Variants in CYP2A13 observed in about 807,000 individuals in gnomAD.
The protein encoded by CYP2A13 is cytochrome P450 2A13.
A neutral mutation model predicts 39.4 loss-of-function variants in CYP2A13; 30 were observed. The ratio of observed to expected loss-of-function variants is 0.76; its 90% confidence interval spans 0.57 to 1.03. CYP2A13 has a LOEUF of 1.03. Ranked by LOEUF, CYP2A13 falls within the 50% of genes least tolerant of loss-of-function variation. The pLI is 0.00. For missense variants in CYP2A13, 731 were observed against 648.4 expected (o/e 1.13, Z -1.38); for synonymous variants, 269 against 254.7 (o/e 1.06, Z -0.54).
rs746729433 is a variant in CYP2A13, at chr19:41,094,326, C to T, written c.1055C>T (p.Thr352Ile). The change falls in exon 7 of 9, where the codon ACA becomes ATA. Residue 352 changes from threonine (T) to isoleucine (I), a missense_variant. By Grantham distance (89) the Thr-to-Ile change is moderately conservative (BLOSUM62 -1). Transcript: ENST00000330436. ...GAGGACCGGGCCAAGATGCCCTACA[C>T]AGAGGCAGTGATCCACGAGATCCAA... The part of the protein sequence containing the change: ...KFEDRAKMPY[T>I]EAVIHEIQRF... 4.4e-5 allele frequency: 71 copies of T among 1,614,028 alleles called. No individual in the cohort carries two copies. Among genetic ancestry groups the T allele is most frequent in the East Asian group, 1.1e-4 (5 of 44,888 alleles).
intron 2 of CYP2A13, among the ~76,000 whole-genome samples, 182 bp from the exon 3 acceptor site, chr19:41,089,864 CT>C: frequency 9.8e-6 from 1 of 101,632 alleles, no homozygotes; most frequent in African/African-American, 3.9e-5. Context: ...CTCTCTCTCT[CT>C]CTCTCTCGTG....
chr19:41,094,858 TC>T, intron 7 of CYP2A13, 100 bp from the exon 8 acceptor site: 1 of 1,374,564 alleles, frequency 7.3e-7, no homozygotes, highest in African/African-American at 1.4e-5. Context: ...TGCCTGCCAC[TC>T]CCCTCACCTG....
At chr19:41,091,131 C>T (rs1435032927) in intron 4 of CYP2A13, among the ~76,000 whole-genome samples, 1 of 152,212 alleles carries the variant, frequency 6.6e-6, no homozygotes, top group Non-Finnish European at 1.5e-5. Context: ...AGATTATTCC[C>T]TGACACCCAA....
intron 2 of CYP2A13, 33 bp downstream of exon 2, chr19:41,089,124 AG>A (rs1402639132): frequency 6.2e-7 from 1 of 1,611,050 alleles, no homozygotes; most frequent in African/African-American, 1.3e-5. Flanking sequence ...GAAGGTGGCC[AG>A]GTGGATGCAA....
Position 41,090,188 on chromosome 19 carries a change from G to A in CYP2A13, c.485G>A (p.Gly162Asp). 3.8e-6 allele frequency: 6 copies of A among 1,579,214 alleles called. No individual in the cohort carries two copies. The highest frequency in any genetic ancestry group is 2.2e-5 in the East Asian group (1 of 44,580). ...EAGFLIDALR[G>D]THGANIDPTF... ...GGCTTCCTCATCGACGCCCTCCGGG[G>A]CACGCACGGTGAGTAGGGGACCCCG... Residue 162 changes from glycine (G) to aspartate (D), a missense_variant, in exon 3 of 9, where the codon GGC (glycine) becomes GAC (aspartate). Gly to Asp is a moderately conservative substitution (Grantham distance 94). Transcript: ENST00000330436.
At chr19:41,089,849 TCTCTCTCTCTCTCTCTC>T (rs1568366707) in intron 2 of CYP2A13, among the ~76,000 whole-genome samples, 181 bp from the exon 3 acceptor site, 1 of 122,100 alleles carries the variant, frequency 8.2e-6, no homozygotes. Flanking sequence ...TCTCTCTCTC[TCTCTCTCTCTCTCTCTC>T]TCTCTCGTGC....
chr19:41,092,397 C>T (rs755431787), intron 5 of CYP2A13, among the ~76,000 whole-genome samples: 11 of 151,678 alleles, frequency 7.3e-5, no homozygotes, highest in Middle Eastern at 3.4e-3. Context: ...TGAGCCCTCA[C>T]CCACAAGCAC....
Position 41,094,440 on chromosome 19 carries a change from C to T in CYP2A13, c.1161+8C>T, listed in dbSNP as rs1599656169. The T allele has an allele frequency of 6.2e-7, 1 of 1,614,016 alleles. No homozygotes were observed. Among genetic ancestry groups the T allele is most frequent in the South Asian group, 1.1e-5 (1 of 91,072 alleles). ...GATTTCTTCCTCCCTAAGGTGCTGTCTCCCCTCCACCACCACCACTCAGAC... is the reference window on the plus strand; with the variant it reads ...GATTTCTTCCTCCCTAAGGTGCTGTTTCCCCTCCACCACCACCACTCAGAC... On this transcript the variant is annotated splice_region_variant and intron_variant, in intron 7 of 8. Coordinates refer to ENST00000330436, the MANE Select transcript of CYP2A13 (RefSeq NM_000766.5).
At position 41,088,515 on chromosome 19, in the gene CYP2A13, T is replaced by C; in HGVS notation, c.44T>C (p.Leu15Pro). The C allele has an allele frequency of 6.2e-7, 1 of 1,614,052 alleles. No homozygotes were observed. The highest frequency in any genetic ancestry group is 8.5e-7 in the Non-Finnish European group (1 of 1,179,912). ...GLLLVTLLACLTVMVLMSVWR... is the reference protein window; with the variant it reads ...GLLLVTLLACPTVMVLMSVWR... ...CTTCTGGTGACCTTGCTGGCCTGCC[T>C]GACTGTGATGGTCTTGATGTCAGTC... Residue 15 changes from leucine to proline, a missense_variant, in exon 1 of 9, where the codon CTG becomes CCG. Leu to Pro is a moderately conservative substitution (Grantham distance 98). Coordinates refer to ENST00000330436, the MANE Select transcript of CYP2A13 (RefSeq NM_000766.5).
At chr19:41,092,916 C>G (rs1158373289) in intron 5 of CYP2A13, among the ~76,000 whole-genome samples, 1 of 152,182 alleles carries the variant, frequency 6.6e-6, no homozygotes, top group Non-Finnish European at 1.5e-5. Flanking sequence ...CTCAGAAAAA[C>G]TCTTTTTTTC....
In CYP2A13 at chr19:41,090,440, C is replaced by G. The variant is rs1365591318; in HGVS notation, c.530C>G (p.Thr177Arg). ...GATCCCACCTTCTTCCTGAGCCGCA[C>G]AGTCTCCAATGTCATCAGCTCCATT... ...NIDPTFFLSR[T>R]VSNVISSIVF... The change falls in exon 4 of 9, where the codon ACA becomes AGA. Residue 177 changes from threonine to arginine, a missense_variant. Physicochemically the swap from Thr to Arg is moderately conservative, Grantham distance 71. Transcript: ENST00000330436. 6.2e-7 allele frequency: 1 copy of G among 1,614,180 alleles called. No homozygotes were observed. The highest frequency in any genetic ancestry group is 8.5e-7 in the Non-Finnish European group (1 of 1,180,032).
Position 41,094,315 on chromosome 19 carries a change from G to C in CYP2A13, c.1044G>C (p.Lys348Asn). Residue 348 changes from lysine (K) to asparagine (N), a missense_variant, in exon 7 of 9, where the codon AAG becomes AAC. Coordinates refer to ENST00000330436, the MANE Select transcript of CYP2A13 (RefSeq NM_000766.5). ...AGCCCAAGTTTGAGGACCGGGCCAA[G>C]ATGCCCTACACAGAGGCAGTGATCC... is the stretch of plus-strand genomic sequence containing the variant. ...NRQPKFEDRA[K>N]MPYTEAVIHE... The C allele has an allele frequency of 1.2e-6, 2 of 1,614,090 alleles. No individual in the cohort carries two copies. Among genetic ancestry groups the C allele is most frequent in the Non-Finnish European group, 1.7e-6 (2 of 1,180,004 alleles).
chr19:41,089,664 C>T (rs2144723532), intron 2 of CYP2A13, among the ~76,000 whole-genome samples: 1 of 151,926 alleles, frequency 6.6e-6, no homozygotes, highest in South Asian at 2.1e-4. Flanking sequence ...CCATATCTCA[C>T]TTCCCCTCCC....
In CYP2A13 at chr19:41,093,633, G is replaced by A. The variant is rs545108109; in HGVS notation, c.835G>A (p.Glu279Lys). The part of the protein sequence containing the change: ...DSFLIRMQEE[E>K]KNPNTEFYLK... The stretch of plus-strand genomic sequence containing the variant: ...CTAAACCGCCCTCTCCCTGCAGGAG[G>A]AGAAGAACCCCAACACAGAGTTCTA... The change falls in exon 6 of 9, where the codon GAG (glutamate) becomes AAG (lysine). Residue 279 changes from glutamate to lysine, a missense_variant. By Grantham distance (56) the Glu-to-Lys change is moderately conservative. Transcript: ENST00000330436. The A allele has an allele frequency of 4.3e-6, 7 of 1,614,118 alleles. No individual in the cohort carries two copies. In the South Asian group the frequency reaches 6.6e-5, roughly 15 times the overall value.
intron 8 of CYP2A13, 77 bp from the exon 9 acceptor site, chr19:41,095,683 G>A: frequency 6.4e-7 from 1 of 1,566,350 alleles, no homozygotes; most frequent in South Asian, 1.2e-5. Context: ...CCTAGAGAGT[G>A]CAGCCGGGGG....
intron 2 of CYP2A13, 35 bp from the exon 3 acceptor site, chr19:41,090,012 C>T: frequency 6.3e-7 from 1 of 1,596,712 alleles, no homozygotes; most frequent in Non-Finnish European, 8.5e-7. Context: ...CCGCCGCCCC[C>T]TGACCTCTCT....
In CYP2A13 at chr19:41,091,880, T is replaced by C; in HGVS notation, c.803T>C (p.Ile268Thr). The change falls in exon 5 of 9, where the codon ATC becomes ACC. Residue 268 changes from isoleucine (I) to threonine (T), a missense_variant. By Grantham distance (89) the Ile-to-Thr change is moderately conservative. Coordinates refer to ENST00000330436, the MANE Select transcript of CYP2A13 (RefSeq NM_000766.5). The part of the protein sequence containing the change: ...TLDPNSPRDF[I>T]DSFLIRMQEE... ...GATCCCAATTCCCCACGGGACTTCA[T>C]CGACTCCTTTCTCATCCGCATGCAG... 1.2e-6 allele frequency: 2 copies of C among 1,614,206 alleles called. No individual in the cohort carries two copies. The highest frequency in any genetic ancestry group is 1.7e-6 in the Non-Finnish European group (2 of 1,180,042).
chr19:41,094,876 C>T lies in CYP2A13; in HGVS notation c.1162-83C>T. The T allele has an allele frequency of 2.6e-6, 4 of 1,541,174 alleles. No homozygotes were observed. In the South Asian group the frequency reaches 4.7e-5, roughly 18 times the overall value. On this transcript the variant is annotated intron_variant, in intron 7 of 8. Transcript: ENST00000330436. ...CTGCCACTCCCCTCACCTGGGGCAC[C>T]CTAGTTCCCCCTGCAGCCCCTGTGT...
Position 41,093,714 on chromosome 19 carries a change from G to A in CYP2A13, c.916G>A (p.Val306Met), listed in dbSNP as rs368110735. The change falls in exon 6 of 9, where the codon GTG becomes ATG. Residue 306 changes from valine (V) to methionine (M), a missense_variant. Val to Met is a conservative substitution (Grantham distance 21, BLOSUM62 1). Coordinates refer to ENST00000330436, the MANE Select transcript of CYP2A13 (RefSeq NM_000766.5). ...LNLFFAGTET[V>M]STTLRYGFLL... Reference sequence around the variant, plus strand: ...CCTCTTCTTTGCGGGCACTGAGACCGTGAGCACCACCCTGCGCTACGGTTT... The same window carrying A: ...CCTCTTCTTTGCGGGCACTGAGACCATGAGCACCACCCTGCGCTACGGTTT... 39 of 1,613,938 alleles carry A rather than the reference G, an allele frequency of 2.4e-5. No individual in the cohort carries two copies. The highest frequency in any genetic ancestry group is 8.9e-5 in the East Asian group (4 of 44,886).
Sources: gnomAD v4.1 joint callset for allele counts (sites outside exome capture counted in the v4.1 genomes callset) on GRCh38, gnomAD v4.1.1 for gene constraint, MANE v1.5 for transcripts, NCBI Gene and HGNC (gene_info 2026-07-23, HGNC 2026-07-21) for gene names.